IGSF21: variants seen among roughly 807,000 people sequenced by gnomAD.
The protein encoded by IGSF21 is immunoglobulin superfamily member 21.
IGSF21 carries 28 observed loss-of-function variants against 46.8 expected under a neutral mutation model. That is an observed-to-expected ratio of 0.60 (90% CI 0.44 to 0.82). The LOEUF (loss-of-function observed/expected upper bound fraction) is 0.82, where lower values mean the gene tolerates loss of function less well. Ranked by LOEUF, IGSF21 falls within the 40% of genes least tolerant of loss-of-function variation. The pLI, the probability that IGSF21 is intolerant of heterozygous loss-of-function variation, is 0.00. For synonymous variants in IGSF21, 284 were observed against 273.6 expected, an observed-to-expected ratio of 1.04 and a Z score of -0.38; for missense variants, 624 against 665.5, an observed-to-expected ratio of 0.94 and a Z score of 0.69.
At chr1:18,156,853 A>C (rs1429054110) in intron 1 of IGSF21, among the ~76,000 whole-genome samples, 1 of 152,202 alleles carries the variant, frequency 6.6e-6, no homozygotes, top group East Asian at 1.9e-4. Context: ...AGTTCCCGTC[A>C]AAAAGACATT....
At chr1:18,378,112 G>A (rs1397617794) in intron 9 of IGSF21, 144 bp from the exon 10 acceptor site, 1 of 639,194 alleles carries the variant, frequency 1.6e-6, no homozygotes, top group Non-Finnish European at 2.8e-6. Flanking sequence ...GGACAGTTAG[G>A]TGGCCAGGTG....
rs7542046 is a variant in IGSF21, at chr1:18,324,872, G to A, written c.306-10020G>A. On this transcript the variant is annotated intron_variant, in intron 3 of 9. Coordinates refer to ENST00000251296, the MANE Select transcript of IGSF21 (RefSeq NM_032880.5). ...GGGTAGGGAGTCATTTCAGGATTTCGGGTTATTCCGTCTTCGGTATCCTTG... is the reference window on the plus strand; with the variant it reads ...GGGTAGGGAGTCATTTCAGGATTTCAGGTTATTCCGTCTTCGGTATCCTTG... Among the ~76,000 whole-genome samples the A allele has an allele frequency of 8.0e-3, 1,226 of 152,320 alleles. 10 individuals carry two copies. The highest frequency in any genetic ancestry group is 0.027 in the African/African-American group (1,133 of 41,588).
chr1:18,182,975 G>A (rs112414700), intron 1 of IGSF21, among the ~76,000 whole-genome samples: 5 of 152,264 alleles, frequency 3.3e-5, no homozygotes, highest in Non-Finnish European at 7.4e-5. Flanking sequence ...CAGCAGACGC[G>A]ACATCACCCT....
intron 1 of IGSF21, among the ~76,000 whole-genome samples, chr1:18,207,198 A>C (rs2084337787): frequency 6.6e-6 from 1 of 152,164 alleles, no homozygotes; most frequent in South Asian, 2.1e-4. Context: ...GGCATGTTGA[A>C]TCCATCTTGG....
intron 2 of IGSF21, among the ~76,000 whole-genome samples, chr1:18,231,625 T>C (rs1287630853): frequency 6.6e-6 from 1 of 152,168 alleles, no homozygotes; most frequent in South Asian, 2.1e-4. Context: ...TCAAATTAAT[T>C]TTAAAATTCA....
At position 18,118,750 on chromosome 1, in the gene IGSF21, GGAA is replaced by G. The variant is rs576702309; in HGVS notation, c.70+10557_70+10559del. ...CTGGGGAGCTTTTGGGAAGGTGGGG[GGAA>G]GAAGGACAAGTTACCCCATGGAGAG... On this transcript the variant is annotated intron_variant, in intron 1 of 9. Transcript: ENST00000251296. Among the ~76,000 whole-genome samples, 541 of 152,204 alleles carry G rather than the reference GGAA, an allele frequency of 3.6e-3. 5 individuals carry two copies. The highest frequency in any genetic ancestry group is 4.4e-3 in the Non-Finnish European group (300 of 68,006).
chr1:18,143,023 C>T (rs2086432330), intron 1 of IGSF21, among the ~76,000 whole-genome samples: 1 of 152,194 alleles, frequency 6.6e-6, no homozygotes, highest in Non-Finnish European at 1.5e-5. Flanking sequence ...CCCCAGGATG[C>T]CCAGAGCCTT....
rs1557659651 is a variant in IGSF21, at chr1:18,359,387, G to GA, written c.425-2726dup. Reference sequence around the variant, plus strand: ...GAAAGAAAGAAAGAAAGAAAGAAAGGAAGGAAGGAAGGAAGGAAGGAAGGA... The same window carrying GA: ...GAAAGAAAGAAAGAAAGAAAGAAAGGAAAGGAAGGAAGGAAGGAAGGAAGGA... On this transcript the variant is annotated intron_variant, in intron 4 of 9. Transcript: ENST00000251296. Among the ~76,000 whole-genome samples, 142 of 33,826 alleles carry GA rather than the reference G, an allele frequency of 4.2e-3. 1 individual carries two copies. The highest frequency in any genetic ancestry group is 8.7e-3 in the African/African-American group (78 of 8,926). The allele number at this position is 33,826 out of a possible 152,430, so 22.2% of individuals were successfully genotyped here. A position where few individuals can be genotyped will look rare whatever the true frequency, so the allele number is the denominator to read the frequency against.
At chr1:18,140,095 C>T (rs190937436) in intron 1 of IGSF21, among the ~76,000 whole-genome samples, 34 of 152,212 alleles carry the variant, frequency 2.2e-4, no homozygotes, top group Non-Finnish European at 1.2e-4. Flanking sequence ...CAGGTGTGCA[C>T]CACCGTGCCT....
intron 1 of IGSF21, among the ~76,000 whole-genome samples, chr1:18,144,380 G>T: frequency 6.6e-6 from 1 of 152,106 alleles, no homozygotes; most frequent in East Asian, 1.9e-4. Flanking sequence ...AGTTCCCCAG[G>T]TCCCACCCAG....
At chr1:18,267,398 C>A (rs2124542181) in intron 2 of IGSF21, among the ~76,000 whole-genome samples, 1 of 152,254 alleles carries the variant, frequency 6.6e-6, no homozygotes, top group East Asian at 1.9e-4. Context: ...GCTCATTTTC[C>A]AGTTCCTTGG....
At chr1:18,136,432 T>G (rs932753580) in intron 1 of IGSF21, among the ~76,000 whole-genome samples, 2 of 152,268 alleles carry the variant, frequency 1.3e-5, no homozygotes, top group African/African-American at 4.8e-5. Context: ...AATTAATTGT[T>G]GTATAAAGTG....
chr1:18,317,606 A>G (rs903832384), intron 3 of IGSF21, among the ~76,000 whole-genome samples: 6 of 152,146 alleles, frequency 3.9e-5, no homozygotes, highest in Non-Finnish European at 7.4e-5. Context: ...TGGTGCACCC[A>G]ATGGCTCCAC....
In IGSF21 at chr1:18,333,048, A is replaced by G. The variant is rs527973972; in HGVS notation, c.306-1844A>G. 5.9e-5 allele frequency among the ~76,000 whole-genome samples: 9 copies of G among 152,252 alleles called. No homozygotes were observed. In the South Asian group the frequency reaches 1.9e-3, roughly 32 times the overall value. On this transcript the variant is annotated intron_variant, in intron 3 of 9. Coordinates refer to ENST00000251296, the MANE Select transcript of IGSF21 (RefSeq NM_032880.5). ...AGTGGGAAGTGTGTCCAGGAGGCTG[A>G]AGGGAGGATAAGAACTGGATTGAAA...
intron 2 of IGSF21, among the ~76,000 whole-genome samples, chr1:18,280,977 A>G (rs1431224596): frequency 1.3e-5 from 2 of 152,168 alleles, no homozygotes; most frequent in Non-Finnish European, 2.9e-5. Flanking sequence ...ACTCCATGTC[A>G]GCAGCCTGCT....
chr1:18,370,357 G>A (rs1418007954), intron 6 of IGSF21, among the ~76,000 whole-genome samples: 2 of 152,178 alleles, frequency 1.3e-5, no homozygotes, highest in African/African-American at 4.8e-5. Context: ...AATCAGGAAA[G>A]AGAAGTTCTC....
At position 18,335,382 on chromosome 1, in the gene IGSF21, G is replaced by A. The variant is rs1189712364; in HGVS notation, c.424+372G>A. 6.6e-6 allele frequency among the ~76,000 whole-genome samples: 1 copy of A among 152,198 alleles called. No individual in the cohort carries two copies. Among genetic ancestry groups the A allele is most frequent in the African/African-American group, 2.4e-5 (1 of 41,444 alleles). On this transcript the variant is annotated intron_variant, in intron 4 of 9. Coordinates refer to ENST00000251296, the MANE Select transcript of IGSF21 (RefSeq NM_032880.5). The surrounding 1 kb of genome is among the most constrained non-coding windows in gnomAD (Gnocchi z 4.8). ...CACCTCCTGAGGCCTTAATGGAGAG[G>A]GCATAGGATCTGGAGATGAATTAGA...
chr1:18,277,770 C>G (rs2085117094), intron 2 of IGSF21, among the ~76,000 whole-genome samples: 1 of 152,182 alleles, frequency 6.6e-6, no homozygotes. Flanking sequence ...AAAGAGCCTT[C>G]CCTGGAATCT....
intron 4 of IGSF21, among the ~76,000 whole-genome samples, chr1:18,345,631 A>C (rs1328478256): frequency 6.6e-6 from 1 of 152,112 alleles, no homozygotes; most frequent in Non-Finnish European, 1.5e-5. Context: ...TGATCCAACT[A>C]CTTCGGCCTC....
Sources: gnomAD v4.1 joint callset for allele counts (sites outside exome capture counted in the v4.1 genomes callset) on GRCh38, gnomAD v4.1.1 for gene constraint, Gnocchi (gnomAD v3.1) non-coding constraint, MANE v1.5 for transcripts, NCBI Gene and HGNC (gene_info 2026-07-23, HGNC 2026-07-21) for gene names.